AKR1E2: variants seen among roughly 807,000 people sequenced by gnomAD.
The protein encoded by AKR1E2 is 1,5-anhydro-D-fructose reductase.
Under a neutral mutation model 41.9 loss-of-function variants are expected in AKR1E2, and 43 were observed. That is an observed-to-expected ratio of 1.03 (90% CI 0.80 to 1.32). AKR1E2 has a LOEUF of 1.32. Among genes scored for constraint, AKR1E2 ranks in the 40% most tolerant of loss-of-function variants. The pLI is 0.00. For synonymous variants in AKR1E2, 121 were observed against 138.9 expected (o/e 0.87, Z 0.91); for missense variants, 423 against 396.5 (o/e 1.07, Z -0.57).
intron 4 of AKR1E2, 52 bp from the exon 5 acceptor site, chr10:4,837,407 T>C: frequency 2.5e-6 from 4 of 1,596,412 alleles, no homozygotes; most frequent in Non-Finnish European, 3.4e-6. Flanking sequence ...GGACGTAGAT[T>C]GTCAGTGCAG....
intron 5 of AKR1E2, among the ~76,000 whole-genome samples, chr10:4,839,289 A>G (rs986081070): frequency 6.6e-6 from 1 of 152,242 alleles, no homozygotes; most frequent in African/African-American, 2.4e-5. Context: ...TCTATGAACA[A>G]AACAAATTCA....
At chr10:4,837,644 A>T in intron 5 of AKR1E2, 63 bp downstream of exon 5, 9 of 1,577,828 alleles carry the variant, frequency 5.7e-6, no homozygotes, top group Non-Finnish European at 7.8e-6. Context: ...TGCCACCTCC[A>T]CAGGGCTCTT....
At chr10:4,850,278 T>A (rs1041569927), downstream of AKR1E2, among the ~76,000 whole-genome samples, 7 of 152,194 alleles carry the variant, frequency 4.6e-5, no homozygotes, top group Non-Finnish European at 8.8e-5. Context: ...TCTCCTGACT[T>A]TAAGACTGGG....
the AKR1E2 span, among the ~76,000 whole-genome samples, chr10:4,853,699 G>A: frequency 1.4e-5 from 2 of 147,832 alleles, no homozygotes; most frequent in African/African-American, 4.9e-5. Context: ...TTAAATCAGA[G>A]CAACTCCACC....
the AKR1E2 span, among the ~76,000 whole-genome samples, chr10:4,860,835 G>A: frequency 6.6e-6 from 1 of 152,228 alleles, no homozygotes; most frequent in South Asian, 2.1e-4. Context: ...ACCTAGAAAT[G>A]TGAACCTTGG....
At chr10:4,866,117 A>G in the AKR1E2 span, among the ~76,000 whole-genome samples, 1 of 152,240 alleles carries the variant, frequency 6.6e-6, no homozygotes, top group Admixed American at 6.5e-5. Flanking sequence ...TTCACTGTCC[A>G]GGCTAAATAG....
At chr10:4,848,829 C>A (rs1834471207), downstream of AKR1E2, among the ~76,000 whole-genome samples, 1 of 152,224 alleles carries the variant, frequency 6.6e-6, no homozygotes, top group Admixed American at 6.5e-5. Flanking sequence ...TGATCCTGAG[C>A]AGACTGCCTC....
upstream of AKR1E2, chr10:4,825,183 C>T (rs143470503): frequency 2.0e-4 from 66 of 338,274 alleles, no homozygotes; most frequent in African/African-American, 1.3e-3. Context: ...CCAGAGTGAC[C>T]CTGGGAGTTT....
intron 1 of AKR1E2, 64 bp downstream of exon 1, chr10:4,826,427 G>A: frequency 8.2e-7 from 1 of 1,213,448 alleles, no homozygotes; most frequent in African/African-American, 1.6e-5. Context: ...GGGGGCGCCC[G>A]ATGGGACCCA....
the AKR1E2 span, among the ~76,000 whole-genome samples, chr10:4,858,257 A>G: frequency 6.6e-6 from 1 of 152,208 alleles, no homozygotes; most frequent in Non-Finnish European, 1.5e-5. Context: ...AGGCCATTTG[A>G]AAATTGGAGT....
chr10:4,835,622 T>TTTTTG lies in AKR1E2; in HGVS notation c.325-33_325-29dup, dbSNP rs61708526. 0.47 allele frequency: 727,535 copies of TTTTTG among 1,552,086 alleles called. 176,013 individuals carry two copies. The highest frequency in any genetic ancestry group is 0.69 in the East Asian group (29,088 of 42,120). ...ATGCAGGTCTCCTGACACATGGTTT[T>TTTTTG]TTTTGTTTTGTTTTGTTTTGTTTTC... On this transcript the variant is annotated intron_variant, in intron 3 of 9. Coordinates refer to ENST00000298375, the MANE Select transcript of AKR1E2 (RefSeq NM_001040177.3).
intron 8 of AKR1E2, chr10:4,846,323 G>A (rs1214572017): frequency 1.2e-5 from 2 of 173,400 alleles, no homozygotes; most frequent in Non-Finnish European, 2.5e-5. Flanking sequence ...CATGGGTCCT[G>A]TTCCTCAGTG....
intron 8 of AKR1E2, chr10:4,845,963 AC>A (rs1302910947): frequency 4.6e-6 from 2 of 432,502 alleles, no homozygotes; most frequent in African/African-American, 2.0e-5. Flanking sequence ...CACAAGACTC[AC>A]CAGGGAGGAG....
the AKR1E2 span, among the ~76,000 whole-genome samples, chr10:4,856,720 A>G: frequency 6.6e-6 from 1 of 152,226 alleles, no homozygotes; most frequent in Non-Finnish European, 1.5e-5. Context: ...TTATTAATAC[A>G]CTAGTTGTTA....
intron 2 of AKR1E2, among the ~76,000 whole-genome samples, chr10:4,832,100 T>C (rs763536998): frequency 6.0e-4 from 46 of 76,040 alleles, no homozygotes; most frequent in Non-Finnish European, 1.2e-3. Context: ...ATTCCTTTGC[T>C]TTTGATTTGG....
chr10:4,852,338 T>C (rs1340489733), downstream of AKR1E2, among the ~76,000 whole-genome samples: 1 of 152,156 alleles, frequency 6.6e-6, no homozygotes, highest in Non-Finnish European at 1.5e-5. Context: ...CTGAAGAGCA[T>C]GAAAAAGGCT....
intron 1 of AKR1E2, among the ~76,000 whole-genome samples, chr10:4,828,094 T>C (rs1426308191): frequency 6.6e-6 from 1 of 152,222 alleles, no homozygotes; most frequent in Non-Finnish European, 1.5e-5. Context: ...CTATCCGTTA[T>C]CTGTTGCCCC....
the AKR1E2 span, among the ~76,000 whole-genome samples, chr10:4,865,862 T>A: frequency 6.6e-6 from 1 of 152,226 alleles, no homozygotes; most frequent in African/African-American, 2.4e-5. Context: ...TAGAGAGTTA[T>A]GTTGCTAAAG....
chr10:4,845,905 G>A (rs1024191213), intron 8 of AKR1E2: 4 of 464,846 alleles, frequency 8.6e-6, no homozygotes, highest in African/African-American at 6.0e-5. Flanking sequence ...GGGTTAGGAG[G>A]GGCCGGAGGA....
Sources: gnomAD v4.1 joint callset for allele counts (sites outside exome capture counted in the v4.1 genomes callset) on GRCh38, gnomAD v4.1.1 for gene constraint, MANE v1.5 for transcripts, NCBI Gene and HGNC (gene_info 2026-07-23, HGNC 2026-07-21) for gene names.